The following PCF11 variants were observed in gnomAD, a reference collection of about 807,000 sequenced individuals.
PCF11 encodes pre-mRNA cleavage complex 2 protein Pcf11.
A neutral mutation model predicts 166.1 loss-of-function variants in PCF11; 19 were observed. The ratio of observed to expected loss-of-function variants is 0.11; its 90% confidence interval spans 0.08 to 0.17. PCF11 has a LOEUF of 0.17. PCF11 is among the 10% of genes least tolerant of loss of function. PCF11 has a pLI of 1.00. For synonymous variants in PCF11, 663 were observed against 644.1 expected (o/e 1.03, Z -0.44); for missense variants, 1,565 against 1,855.5 (o/e 0.84, Z 2.88).
intron 1 of PCF11, 124 bp downstream of exon 1, chr11:83,157,755 C>G (rs1860049175): frequency 1.2e-6 from 1 of 855,690 alleles, no homozygotes; most frequent in Non-Finnish European, 1.9e-6. Flanking sequence ...CCCCCCACCC[C>G]CCTCCAACTC....
At chr11:83,173,455 G>GA (rs1247376314) in intron 9 of PCF11, among the ~76,000 whole-genome samples, 2 of 141,662 alleles carry the variant, frequency 1.4e-5, no homozygotes, top group Non-Finnish European at 3.1e-5. Context: ...CTCCGTCTCA[G>GA]AAAAAAAACC....
At chr11:83,159,211 A>C (rs979340241) in intron 1 of PCF11, among the ~76,000 whole-genome samples, 1 of 151,948 alleles carries the variant, frequency 6.6e-6, no homozygotes, top group Non-Finnish European at 1.5e-5. Context: ...TTTTTTTTTA[A>C]GTGTGAGATT....
intron 2 of PCF11, among the ~76,000 whole-genome samples, chr11:83,162,585 G>A (rs189579222): frequency 6.6e-6 from 1 of 152,162 alleles, no homozygotes. Context: ...TCACTTGGGT[G>A]TTTGGTAGCA....
At chr11:83,165,495 TA>T (rs1293992929) in intron 4 of PCF11, 104 bp from the exon 5 acceptor site, 10 of 752,100 alleles carry the variant, frequency 1.3e-5, no homozygotes, top group Non-Finnish European at 1.5e-5. Flanking sequence ...TAGTGTTGAG[TA>T]AATATATTTA....
chr11:83,174,547 A>C (rs1786722599), intron 9 of PCF11, among the ~76,000 whole-genome samples: 1 of 151,900 alleles, frequency 6.6e-6, no homozygotes, highest in African/African-American at 2.4e-5. Context: ...TAGAAAGGCT[A>C]TTGATTTTTT....
At chr11:83,161,248 G>A in intron 1 of PCF11, 79 bp from the exon 2 acceptor site, 4 of 1,154,554 alleles carry the variant, frequency 3.5e-6, no homozygotes, top group Non-Finnish European at 4.9e-6. Flanking sequence ...GGTCTGTATT[G>A]TAGGTTTAAA....
chr11:83,169,413 A>G (rs775778090), exon 8 of PCF11: 1 of 1,613,770 alleles, frequency 6.2e-7, no homozygotes, highest in Non-Finnish European at 8.5e-7. Flanking sequence ...CTCTGGGTCA[A>G]GGTGGTCCAA....
chr11:83,159,811 G>C (rs1438722454), intron 1 of PCF11, among the ~76,000 whole-genome samples: 1 of 152,090 alleles, frequency 6.6e-6, no homozygotes, highest in Non-Finnish European at 1.5e-5. Flanking sequence ...TAAACTTAAA[G>C]GATTCACACT....
chr11:83,169,718 C>T lies in PCF11; in HGVS notation c.3383C>T (p.Ser1128Phe), dbSNP rs752971846. Residue 1128 changes from serine (S) to phenylalanine (F), a missense_variant, in exon 8 of 16, where the codon TCT becomes TTT. Ser to Phe is a radical substitution (Grantham distance 155). Coordinates refer to ENST00000298281, the Ensembl canonical transcript of PCF11. Reference sequence around the variant, plus strand: ...CCTTCACAAAGGCTTGAATCAGTATCTTTCAATCAGACTGGTCCATATAAT... The same window carrying T: ...CCTTCACAAAGGCTTGAATCAGTATTTTTCAATCAGACTGGTCCATATAAT... 7 of 1,613,934 alleles carry T rather than the reference C, an allele frequency of 4.3e-6. No individual in the cohort carries two copies. In the East Asian group the frequency reaches 6.7e-5, roughly 15 times the overall value.
At chr11:83,157,658 T>C in intron 1 of PCF11, 27 bp downstream of exon 1, 1 of 1,588,322 alleles carries the variant, frequency 6.3e-7, no homozygotes, top group Non-Finnish European at 8.6e-7. Context: ...CAGCCTCCTA[T>C]TACTTCTAAT....
At chr11:83,176,506 A>G (rs1424745010) in intron 9 of PCF11, among the ~76,000 whole-genome samples, 1 of 152,222 alleles carries the variant, frequency 6.6e-6, no homozygotes, top group East Asian at 1.9e-4. Flanking sequence ...CTTTGCAGCC[A>G]TAAAAAAGGA....
At chr11:83,175,829 C>A (rs1324401375) in intron 9 of PCF11, among the ~76,000 whole-genome samples, 2 of 152,164 alleles carry the variant, frequency 1.3e-5, no homozygotes, top group African/African-American at 2.4e-5. Flanking sequence ...TGGAATGATT[C>A]CTCACCAATG....
At chr11:83,161,134 A>G (rs902067801) in intron 1 of PCF11, among the ~76,000 whole-genome samples, 193 bp from the exon 2 acceptor site, 1 of 152,180 alleles carries the variant, frequency 6.6e-6, no homozygotes, top group Non-Finnish European at 1.5e-5. Flanking sequence ...GGTAATTCTG[A>G]GCTTTTTTGT....
intron 9 of PCF11, among the ~76,000 whole-genome samples, chr11:83,174,082 G>A (rs970359854): frequency 6.6e-6 from 1 of 152,136 alleles, no homozygotes; most frequent in African/African-American, 2.4e-5. Flanking sequence ...GGACATAGCA[G>A]TGTCACAGAG....
chr11:83,186,185 G>C (rs1861285356), exon 16 of PCF11: 1 of 152,164 alleles, frequency 6.6e-6, no homozygotes. Flanking sequence ...TGTTAGGATA[G>C]AAATAAGCAC....
At chr11:83,183,185 C>G (rs1274791943) in intron 15 of PCF11, 112 bp downstream of exon 15, 1 of 617,872 alleles carries the variant, frequency 1.6e-6, no homozygotes, top group East Asian at 3.2e-5. Context: ...ATATATTGAA[C>G]TGTTTTTGTT....
chr11:83,181,729 AAAT>A, intron 12 of PCF11, 122 bp from the exon 13 acceptor site: 1 of 508,020 alleles, frequency 2.0e-6, no homozygotes. Context: ...GTATAATTTT[AAAT>A]AATATTAGAG....
chr11:83,157,739 TCCAACCCC>T, intron 1 of PCF11, 108 bp downstream of exon 1: 1 of 1,019,764 alleles, frequency 9.8e-7, no homozygotes, highest in Non-Finnish European at 1.5e-6. Flanking sequence ...GTTCCTTCTC[TCCAACCCC>T]CCCACCCCCC....
intron 9 of PCF11, among the ~76,000 whole-genome samples, chr11:83,176,290 C>T (rs1306837878): frequency 1.3e-5 from 2 of 152,088 alleles, no homozygotes; most frequent in Non-Finnish European, 2.9e-5. Context: ...ATTCCTCAAG[C>T]ATCTAGAACT....
Sources: allele counts gnomAD v4.1 joint callset (sites outside exome capture counted in the v4.1 genomes callset), GRCh38; gene constraint gnomAD v4.1.1; transcripts MANE v1.5; gene names NCBI Gene and HGNC (gene_info 2026-07-23, HGNC 2026-07-21).